The following MGAT5 variants were observed in gnomAD, a reference collection of about 807,000 sequenced individuals.
The protein encoded by MGAT5 is alpha-1,6-mannosylglycoprotein 6-beta-N-acetylglucosaminyltransferase.
Under a neutral mutation model 94.3 loss-of-function variants are expected in MGAT5, and 30 were observed. The ratio of observed to expected loss-of-function variants is 0.32; its 90% CI spans 0.24 to 0.43. The LOEUF (loss-of-function observed/expected upper bound fraction) is 0.43, where lower values mean the gene tolerates loss of function less well. Ranked by LOEUF, MGAT5 falls within the 20% of genes least tolerant of loss-of-function variation. The probability of loss-of-function intolerance (pLI) is 1.00; values close to 1 mark genes in which losing one functional copy is unlikely to be tolerated. For synonymous variants in MGAT5, 310 were observed against 322.9 expected, an observed-to-expected ratio of 0.96 and a Z score of 0.43; for missense variants, 691 against 905.5, an observed-to-expected ratio of 0.76 and a Z score of 3.04.
At chr2:134,318,237 C>T (rs766128058) in intron 3 of MGAT5, among the ~76,000 whole-genome samples, 5 of 152,100 alleles carry the variant, frequency 3.3e-5, no homozygotes, top group African/African-American at 4.8e-5. Flanking sequence ...CGTCAACGCT[C>T]GTCCGTGCCC....
chr2:134,249,623 G>A (rs1439719210), upstream of MGAT5, among the ~76,000 whole-genome samples: 1 of 152,140 alleles, frequency 6.6e-6, no homozygotes, highest in African/African-American at 2.4e-5. Context: ...CATGGATATG[G>A]CAGTTTTGTT....
intron 10 of MGAT5, among the ~76,000 whole-genome samples, chr2:134,387,454 A>C (rs1682102672): frequency 6.7e-6 from 1 of 149,814 alleles, no homozygotes; most frequent in East Asian, 2.0e-4. Context: ...AGAGGACCTT[A>C]AGCAAGTTTC....
At chr2:134,174,541 T>C (rs1187687787) in intron 1 of MGAT5, among the ~76,000 whole-genome samples, 1 of 152,258 alleles carries the variant, frequency 6.6e-6, no homozygotes, top group Non-Finnish European at 1.5e-5. Context: ...TTTACCTGGG[T>C]AGCACAGACA....
At chr2:134,214,623 A>G (rs1363784780) in intron 1 of MGAT5, among the ~76,000 whole-genome samples, 1 of 152,102 alleles carries the variant, frequency 6.6e-6, no homozygotes, top group Admixed American at 6.5e-5. Flanking sequence ...ACTAGGGAGT[A>G]AGACCAAATA....
upstream of MGAT5, chr2:134,253,194 A>C (rs1424915268): frequency 6.6e-6 from 1 of 152,246 alleles, no homozygotes; most frequent in Non-Finnish European, 1.5e-5. Flanking sequence ...GCCGCTTGCA[A>C]AGAAGAATCC....
intron 1 of MGAT5, among the ~76,000 whole-genome samples, chr2:134,239,330 TC>T (rs56148186): frequency 0.58 from 87,704 of 152,106 alleles, 28,825 homozygotes; most frequent in Non-Finnish European, 0.74. Flanking sequence ...TCTTGGGGTT[TC>T]CCCCTCAGTA....
chr2:134,257,410 C>G (rs950010976), intron 1 of MGAT5, among the ~76,000 whole-genome samples: 4 of 152,098 alleles, frequency 2.6e-5, no homozygotes, highest in African/African-American at 9.7e-5. Context: ...TTAGTAGATA[C>G]GGGGTTTCAC....
At chr2:134,126,824 T>G (rs185323781) in intron 1 of MGAT5, among the ~76,000 whole-genome samples, 5 of 152,156 alleles carry the variant, frequency 3.3e-5, no homozygotes, top group Non-Finnish European at 7.4e-5. Flanking sequence ...TGTCTACACA[T>G]TCAGTGTGTA....
chr2:134,319,828 G>A (rs1687213276), intron 4 of MGAT5: 1 of 332,644 alleles, frequency 3.0e-6, no homozygotes, highest in Non-Finnish European at 6.0e-6. Context: ...CATGTCTATA[G>A]CAGTCATCCC....
chr2:134,213,319 G>A (rs1484875137), intron 1 of MGAT5, among the ~76,000 whole-genome samples: 1 of 152,118 alleles, frequency 6.6e-6, no homozygotes, highest in Non-Finnish European at 1.5e-5. Flanking sequence ...GGAGACTTGG[G>A]AGCCCCCCCG....
intron 1 of MGAT5, among the ~76,000 whole-genome samples, chr2:134,196,687 G>A (rs1447576505): frequency 6.6e-6 from 1 of 152,224 alleles, no homozygotes; most frequent in Non-Finnish European, 1.5e-5. Context: ...GGCCACCTGT[G>A]GCCCAGGACG....
intron 15 of MGAT5, 34 bp downstream of exon 15, chr2:134,441,949 C>G (rs1017852003): frequency 6.2e-7 from 1 of 1,603,354 alleles, no homozygotes; most frequent in Non-Finnish European, 8.5e-7. Context: ...GGGACTCAGC[C>G]CCTAGACTCC....
chr2:134,144,940 C>T (rs369476357), intron 1 of MGAT5, among the ~76,000 whole-genome samples: 3 of 152,320 alleles, frequency 2.0e-5, no homozygotes, highest in South Asian at 2.1e-4. Context: ...CATGAGGTCA[C>T]GCTGGCCTGC....
chr2:134,379,341 A>G (rs1436921004), intron 10 of MGAT5, among the ~76,000 whole-genome samples: 1 of 152,222 alleles, frequency 6.6e-6, no homozygotes, highest in Non-Finnish European at 1.5e-5. Context: ...TCTTTTAGGA[A>G]TAAAATAAAG....
At chr2:134,287,958 A>G (rs142665874) in intron 2 of MGAT5, among the ~76,000 whole-genome samples, 3 of 152,290 alleles carry the variant, frequency 2.0e-5, no homozygotes, top group African/African-American at 4.8e-5. Context: ...GATATTTTAC[A>G]TATGTTTCTT....
At chr2:134,220,797 A>T (rs910568015) in intron 1 of MGAT5, among the ~76,000 whole-genome samples, 1 of 151,616 alleles carries the variant, frequency 6.6e-6, no homozygotes, top group Non-Finnish European at 1.5e-5. Context: ...TATGTTACTG[A>T]CTCCTCACTC....
rs182583694 is a variant in MGAT5 at position 134,176,504 on chromosome 2, C to T, written c.-143+56213C>T. ...AGGAGAATCGCTTGAACCCAGGAAA[C>T]GGAGGTTGCAGTGAGCCGAGATCAC... On this transcript the variant is annotated intron_variant, in intron 1 of 16. Coordinates refer to the MGAT5 transcript ENST00000409645. Among the ~76,000 whole-genome samples, 253 of 135,274 alleles carry T rather than the reference C, an allele frequency of 1.9e-3. 2 individuals carry two copies. Among genetic ancestry groups the T allele is most frequent in the Middle Eastern group, 0.017 (4 of 234 alleles). 88.7% of individuals were successfully genotyped at this position (135,274 alleles called of 152,430 possible). A position where few individuals can be genotyped will look rare whatever the true frequency, so the allele number is the denominator to read the frequency against.
At chr2:134,126,885 C>CTT (rs112394718) in intron 1 of MGAT5, among the ~76,000 whole-genome samples, 4 of 144,484 alleles carry the variant, frequency 2.8e-5, no homozygotes, top group Non-Finnish European at 4.6e-5. Flanking sequence ...CTTGCAGCTG[C>CTT]TTTTTTTTTT....
In MGAT5 at chr2:134,189,602, G is replaced by GTTTTTTGTTTTTTTTTTT. The variant is rs1689239643; in HGVS notation, c.-142-64654_-142-64653insGTTTTTTTTTTTTTTTTT. ...AACCTCATGGCTCTAGTTTTTTTTTGTTTTTTTTTTTTTTTTTTAAGACAG... is the reference window on the plus strand; with the variant it reads ...AACCTCATGGCTCTAGTTTTTTTTTGTTTTTTGTTTTTTTTTTTTTTTTTTTTTTTTTTTTTAAGACAG... On this transcript the variant is annotated intron_variant, in intron 1 of 16. Coordinates refer to the MGAT5 transcript ENST00000409645. Among the ~76,000 whole-genome samples, 4 of 84,672 alleles carry GTTTTTTGTTTTTTTTTTT rather than the reference G, an allele frequency of 4.7e-5. No homozygotes were observed. The East Asian group carries it at 9.8e-4, about 21-fold the overall frequency. The allele number at this position is 84,672 out of a possible 152,430, so 55.5% of individuals were successfully genotyped here.
Sources: allele counts gnomAD v4.1 joint callset (sites outside exome capture counted in the v4.1 genomes callset), GRCh38; gene constraint gnomAD v4.1.1; transcripts MANE v1.5; gene names NCBI Gene and HGNC (gene_info 2026-07-23, HGNC 2026-07-21).